The following CCDC7 variants were observed in gnomAD, a reference collection of about 807,000 sequenced individuals.
CCDC7 encodes coiled-coil domain-containing protein 7.
In CCDC7, 183 loss-of-function variants were observed where a neutral mutation model predicts 196.9. That is an observed-to-expected ratio of 0.93 (90% confidence interval 0.82 to 1.05). CCDC7 has a LOEUF of 1.05. Ranked by LOEUF, CCDC7 falls within the 50% of genes least tolerant of loss-of-function variation. The probability of loss-of-function intolerance (pLI) is 0.00; values close to 1 mark genes in which losing one functional copy is unlikely to be tolerated. For synonymous variants in CCDC7, 525 were observed against 484.6 expected, an observed-to-expected ratio of 1.08 and a Z score of -1.10; for missense variants, 1,540 against 1,482.2, an observed-to-expected ratio of 1.04 and a Z score of -0.64.
chr10:32,800,964 A>C (rs549739035), intron 29 of CCDC7, among the ~76,000 whole-genome samples: 1 of 152,230 alleles, frequency 6.6e-6, no homozygotes, highest in Non-Finnish European at 1.5e-5. Flanking sequence ...GAGTCAGACT[A>C]TTCTGATTGC....
intron 23 of CCDC7, among the ~76,000 whole-genome samples, chr10:32,693,144 G>T (rs555746814): frequency 2.6e-5 from 4 of 152,024 alleles, no homozygotes; most frequent in Admixed American, 2.0e-4. Flanking sequence ...TTTCTTCAAT[G>T]ATTTCATTTC....
At chr10:32,641,133 G>C (rs905939448) in intron 20 of CCDC7, among the ~76,000 whole-genome samples, 21 of 152,158 alleles carry the variant, frequency 1.4e-4, no homozygotes, top group Middle Eastern at 6.8e-3. Context: ...ATGTGTCTTG[G>C]AGTTGCTGTT....
chr10:32,691,812 G>A (rs531121979), intron 23 of CCDC7, among the ~76,000 whole-genome samples: 1 of 152,278 alleles, frequency 6.6e-6, no homozygotes, highest in East Asian at 1.9e-4. Context: ...TGCAGATGAT[G>A]GCCCAAACAT....
chr10:32,574,320 A>G (rs2057935601), intron 16 of CCDC7: 1 of 530,440 alleles, frequency 1.9e-6, no homozygotes, highest in African/African-American at 2.1e-5. Context: ...TTATATAATA[A>G]TATAATATAT....
chr10:32,725,038 A>G (rs1192967426), intron 25 of CCDC7, among the ~76,000 whole-genome samples: 2 of 152,112 alleles, frequency 1.3e-5, no homozygotes, highest in African/African-American at 4.8e-5. Context: ...TTATGTGTAT[A>G]TATCTACTTA....
intron 18 of CCDC7, among the ~76,000 whole-genome samples, chr10:32,584,806 G>A (rs1365224755): frequency 1.4e-5 from 2 of 142,854 alleles, no homozygotes; most frequent in Non-Finnish European, 3.0e-5. Context: ...ATATTACTTA[G>A]AGAGTCTATT....
At chr10:32,867,095 A>G (rs1390534792) in intron 41 of CCDC7, among the ~76,000 whole-genome samples, 3 of 151,832 alleles carry the variant, frequency 2.0e-5, no homozygotes, top group Admixed American at 2.0e-4. Context: ...AGATTAAGAG[A>G]GACTAAAAAA....
At chr10:32,797,271 G>A (rs977201726) in intron 29 of CCDC7, among the ~76,000 whole-genome samples, 6 of 149,744 alleles carry the variant, frequency 4.0e-5, no homozygotes, top group South Asian at 4.2e-4. Flanking sequence ...ATATATATGC[G>A]TATATATATA....
intron 18 of CCDC7, among the ~76,000 whole-genome samples, chr10:32,600,683 C>T (rs1361253617): frequency 1.3e-5 from 2 of 152,146 alleles, no homozygotes; most frequent in African/African-American, 4.8e-5. Context: ...TTATATATTG[C>T]ATACCCAATA....
chr10:32,615,207 C>G (rs1251551986), intron 18 of CCDC7, among the ~76,000 whole-genome samples: 1 of 152,118 alleles, frequency 6.6e-6, no homozygotes, highest in Admixed American at 6.6e-5. Flanking sequence ...AGTGGGATGG[C>G]TAGATCAAAT....
intron 24 of CCDC7, among the ~76,000 whole-genome samples, chr10:32,702,810 C>T (rs1434387517): frequency 2.0e-5 from 3 of 152,180 alleles, no homozygotes; most frequent in Admixed American, 2.0e-4. Flanking sequence ...GGTTTAAAAT[C>T]TGTTTTATCC....
intron 28 of CCDC7, among the ~76,000 whole-genome samples, chr10:32,753,480 A>G (rs1486771556): frequency 6.6e-6 from 1 of 152,148 alleles, no homozygotes; most frequent in Non-Finnish European, 1.5e-5. Flanking sequence ...TACTATTACT[A>G]TTTAGGAGAT....
Position 32,465,581 on chromosome 10 carries a change from C to T in CCDC7, c.510+2532C>T, listed in dbSNP as rs113215166. 1.2e-3 allele frequency among the ~76,000 whole-genome samples: 185 copies of T among 152,040 alleles called. 1 individual carries two copies. The highest frequency in any genetic ancestry group is 4.3e-3 in the African/African-American group (179 of 41,476). On this transcript the variant is annotated intron_variant, in intron 5 of 41. Transcript: ENST00000639629. ...CTTTGGCTGTCTTCTTTTTAGAGTC[C>T]CCTCCTAAACCCAACCAGTAAATGT...
intron 9 of CCDC7, chr10:32,499,275 G>A (rs1462182433): frequency 6.6e-6 from 1 of 151,916 alleles, no homozygotes; most frequent in Non-Finnish European, 1.5e-5. Flanking sequence ...TTATACATAG[G>A]GAATTGGGAA....
intron 36 of CCDC7, 114 bp downstream of exon 37, chr10:32,846,073 C>A: frequency 1.2e-6 from 1 of 805,260 alleles, no homozygotes. Flanking sequence ...CTTTCCATAG[C>A]AAAAGATGCT....
At chr10:32,565,193 G>T (rs1032014486) in intron 13 of CCDC7, among the ~76,000 whole-genome samples, 1 of 152,058 alleles carries the variant, frequency 6.6e-6, no homozygotes, top group Non-Finnish European at 1.5e-5. Context: ...ATGTGTAATA[G>T]AATTTACTCA....
chr10:32,763,455 A>C (rs1010941384), intron 28 of CCDC7, among the ~76,000 whole-genome samples: 22 of 151,958 alleles, frequency 1.4e-4, no homozygotes, highest in African/African-American at 4.8e-4. Context: ...TAGAATTACC[A>C]TATAACCCAG....
intron 27 of CCDC7, 99 bp from the exon 29 acceptor site, chr10:32,729,233 A>C: frequency 1.6e-6 from 2 of 1,224,472 alleles, no homozygotes; most frequent in Non-Finnish European, 2.3e-6. Context: ...CATGAAAACT[A>C]TTCACATGAT....
intron 24 of CCDC7, among the ~76,000 whole-genome samples, chr10:32,704,445 A>G (rs570681630): frequency 6.6e-6 from 1 of 151,780 alleles, no homozygotes; most frequent in South Asian, 2.1e-4. Flanking sequence ...CATTTAGGCT[A>G]CTCAGGGGTC....
Sources: gnomAD v4.1 joint callset for allele counts (sites outside exome capture counted in the v4.1 genomes callset) on GRCh38, gnomAD v4.1.1 for gene constraint, MANE v1.5 for transcripts, NCBI Gene and HGNC (gene_info 2026-07-23, HGNC 2026-07-21) for gene names.